RAB4A: variants seen among roughly 807,000 people sequenced by gnomAD.
RAB4A encodes RAB4A, member RAS oncogene family.
RAB4A carries 20 observed loss-of-function variants against 34.5 expected under a neutral mutation model. That is an observed-to-expected ratio of 0.58 (90% CI 0.41 to 0.84). The LOEUF (loss-of-function observed/expected upper bound fraction) is 0.84, where lower values mean the gene tolerates loss of function less well. Ranked by LOEUF, RAB4A falls within the 40% of genes least tolerant of loss-of-function variation. The pLI, the probability that RAB4A is intolerant of heterozygous loss-of-function variation, is 0.00. For missense variants in RAB4A, 228 were observed against 274.5 expected, an observed-to-expected ratio of 0.83 and a Z score of 1.20; for synonymous variants, 102 against 100.0, an observed-to-expected ratio of 1.02 and a Z score of -0.12.
At chr1:229,300,408 A>G (rs1373139409) in intron 6 of RAB4A, among the ~76,000 whole-genome samples, 1 of 152,260 alleles carries the variant, frequency 6.6e-6, no homozygotes, top group African/African-American at 2.4e-5. Flanking sequence ...GAGATGACTG[A>G]TTAATGCTTT....
Position 229,288,823 on chromosome 1 carries a change from A to C in RAB4A, c.207A>C (p.Thr69=), listed in dbSNP as rs200213212. The change falls in exon 3 of 8, where the codon ACA becomes ACC. Residue 69 remains threonine (T), a synonymous_variant. Coordinates refer to ENST00000366690, the MANE Select transcript of RAB4A (RefSeq NM_004578.4). ...GKYVKLQIWD[T]AGQERFRSVT... is the part of the protein sequence containing the mutation. The stretch of plus-strand genomic sequence containing the variant: ...ATGTAAAGTTACAAATATGGGATAC[A>C]GCAGGACAAGAACGATTCAGGTAGC... The C allele has an allele frequency of 1.8e-5, 28 of 1,565,662 alleles. No homozygotes were observed. The East Asian group carries it at 6.3e-4, about 35-fold the overall frequency.
At chr1:229,288,362 G>C (rs1469251005) in intron 2 of RAB4A, among the ~76,000 whole-genome samples, 5 of 152,132 alleles carry the variant, frequency 3.3e-5, no homozygotes, top group African/African-American at 1.2e-4. Flanking sequence ...TTCCACACCT[G>C]TCACTGGGCG....
At chr1:229,278,461 G>A (rs895272809) in intron 1 of RAB4A, among the ~76,000 whole-genome samples, 4 of 152,104 alleles carry the variant, frequency 2.6e-5, no homozygotes, top group Admixed American at 2.0e-4. Flanking sequence ...ATCTCCTCAA[G>A]CCCATTCTCT....
intron 6 of RAB4A, among the ~76,000 whole-genome samples, chr1:229,302,299 A>ATT (rs1179878416): frequency 1.6e-4 from 6 of 37,614 alleles, no homozygotes; most frequent in African/African-American, 6.3e-4. Context: ...ATATATATAT[A>ATT]TATATATATA....
rs550684429 is a variant in RAB4A, at chr1:229,277,491, C to T, written c.31+6121C>T. On this transcript the variant is annotated intron_variant, in intron 1 of 7. Coordinates refer to ENST00000366690, the MANE Select transcript of RAB4A (RefSeq NM_004578.4). ...TTCCCACTGTTCAATTCCTCCCTGA[C>T]CATTGTACCAAAACTTTTTGTCCTT... is the stretch of plus-strand genomic sequence containing the variant. Among the ~76,000 whole-genome samples, 8 of 151,390 alleles carry T rather than the reference C, an allele frequency of 5.3e-5. No individual in the cohort carries two copies. In the East Asian group the frequency reaches 1.5e-3, roughly 29 times the overall value.
intron 6 of RAB4A, among the ~76,000 whole-genome samples, chr1:229,302,325 T>TA (rs1553302417): frequency 4.2e-5 from 4 of 95,846 alleles, no homozygotes; most frequent in African/African-American, 1.6e-4. Context: ...TTTTTTTTTT[T>TA]ACATGTGCAT....
chr1:229,277,434 T>C, intron 1 of RAB4A, among the ~76,000 whole-genome samples: 1 of 151,116 alleles, frequency 6.6e-6, no homozygotes, highest in South Asian at 2.1e-4. Flanking sequence ...TGCCCAAACC[T>C]TCCACCTCTC....
chr1:229,303,263 T>G lies in RAB4A; in HGVS notation c.*12+274T>G, dbSNP rs998759754. Among the ~76,000 whole-genome samples, 3 of 151,662 alleles carry G rather than the reference T, an allele frequency of 2.0e-5. No homozygotes were observed. In the East Asian group the frequency reaches 5.8e-4, roughly 29 times the overall value. ...CTGTAGTCCCAGCTACTCATGAAAC[T>G]TAGGAGAATTGCTTGAGCCTGGGAG... On this transcript the variant is annotated intron_variant, in intron 7 of 7. Transcript: ENST00000366690.
intron 7 of RAB4A, among the ~76,000 whole-genome samples, chr1:229,303,502 A>G (rs1657471661): frequency 6.6e-6 from 1 of 152,214 alleles, no homozygotes; most frequent in Admixed American, 6.5e-5. Context: ...AGGGTGAGAT[A>G]TCCTGATTCC....
intron 1 of RAB4A, among the ~76,000 whole-genome samples, chr1:229,281,202 A>C (rs1656768072): frequency 6.6e-6 from 1 of 152,206 alleles, no homozygotes; most frequent in Non-Finnish European, 1.5e-5. Context: ...AGAAACTGCC[A>C]ACCATACTGT....
intron 1 of RAB4A, 67 bp from the exon 2 acceptor site, chr1:229,286,419 C>A: frequency 3.2e-6 from 3 of 938,062 alleles, no homozygotes; most frequent in South Asian, 1.6e-5. Flanking sequence ...ATTTGATGAT[C>A]GTGATCTAAG....
intron 2 of RAB4A, 47 bp downstream of exon 2, chr1:229,286,613 G>A (rs772857140): frequency 6.8e-6 from 8 of 1,179,022 alleles, no homozygotes; most frequent in African/African-American, 3.2e-5. Context: ...TCTTCTGAGA[G>A]CCCTCTCACT....
Position 229,286,782 on chromosome 1 carries a change from C to T in RAB4A, c.112+216C>T, listed in dbSNP as rs1656934274. ...TCAGTATATGGTTACTTCTACTGTA[C>T]ATTTTGCAGATGCTGAGAGACCATA... On this transcript the variant is annotated intron_variant, in intron 2 of 7. Coordinates refer to ENST00000366690, the MANE Select transcript of RAB4A (RefSeq NM_004578.4). Among the ~76,000 whole-genome samples the T allele has an allele frequency of 2.0e-5, 3 of 152,304 alleles. No individual in the cohort carries two copies. The South Asian group carries it at 6.2e-4, about 32-fold the overall frequency.
rs370941308 is a variant in RAB4A at position 229,291,925 on chromosome 1, G to A, written c.227+3082G>A. 3.4e-4 allele frequency among the ~76,000 whole-genome samples: 51 copies of A among 152,132 alleles called. 1 individual carries two copies. The highest frequency in any genetic ancestry group is 1.2e-3 in the African/African-American group (48 of 41,488). ...AGTTCGTGTCCTTTGTAGGGACATG[G>A]ATGAAATTGGAAATCATCATTCTCA... On this transcript the variant is annotated intron_variant, in intron 3 of 7. Coordinates refer to ENST00000366690, the MANE Select transcript of RAB4A (RefSeq NM_004578.4).
chr1:229,284,159 G>C (rs1254522610), intron 1 of RAB4A, among the ~76,000 whole-genome samples: 1 of 137,468 alleles, frequency 7.3e-6, no homozygotes, highest in Non-Finnish European at 1.5e-5. Context: ...GAGTGCAGTG[G>C]TGCAATCTTG....
intron 1 of RAB4A, among the ~76,000 whole-genome samples, chr1:229,281,848 C>A (rs1425838948): frequency 7.9e-6 from 1 of 126,508 alleles, no homozygotes; most frequent in Non-Finnish European, 1.7e-5. Flanking sequence ...ATATATATAT[C>A]ATAGTTTACT....
intron 1 of RAB4A, among the ~76,000 whole-genome samples, chr1:229,283,292 T>C (rs751254942): frequency 1.3e-5 from 2 of 152,210 alleles, no homozygotes; most frequent in African/African-American, 2.4e-5. Context: ...CCAGCAGAGA[T>C]GAAAGCCCTA....
At chr1:229,276,661 A>G (rs1000561943) in intron 1 of RAB4A, among the ~76,000 whole-genome samples, 1 of 150,938 alleles carries the variant, frequency 6.6e-6, no homozygotes, top group Non-Finnish European at 1.5e-5. Context: ...CCCCATCCTT[A>G]CCTCCTGGAT....
At chr1:229,272,048 C>G (rs539940270) in intron 1 of RAB4A, among the ~76,000 whole-genome samples, 2 of 152,114 alleles carry the variant, frequency 1.3e-5, no homozygotes, top group African/African-American at 2.4e-5. Flanking sequence ...CTGCAGCACC[C>G]AGACCTGGAG....
Sources: allele counts gnomAD v4.1 joint callset (sites outside exome capture counted in the v4.1 genomes callset), GRCh38; gene constraint gnomAD v4.1.1; transcripts MANE v1.5; gene names NCBI Gene and HGNC (gene_info 2026-07-23, HGNC 2026-07-21).